GPHN: variants seen among roughly 807,000 people sequenced by gnomAD.
GPHN encodes the protein gephyrin.
A neutral mutation model predicts 95.5 loss-of-function variants in GPHN; 17 were observed. The ratio of observed to expected loss-of-function variants is 0.18; its 90% CI spans 0.12 to 0.27. GPHN has a LOEUF of 0.27. Ranked by LOEUF, GPHN falls within the 10% of genes least tolerant of loss-of-function variation. The pLI is 1.00. For synonymous variants in GPHN, 320 were observed against 322.5 expected, an observed-to-expected ratio of 0.99 and a Z score of 0.08; for missense variants, 660 against 978.1, an observed-to-expected ratio of 0.67 and a Z score of 4.34.
intron 2 of GPHN, among the ~76,000 whole-genome samples, chr14:66,721,951 CAAAAAAAAAAAA>C (rs35174343): frequency 1.0e-4 from 6 of 60,108 alleles, no homozygotes; most frequent in East Asian, 3.8e-4. Flanking sequence ...AACTCTGTCT[CAAAAAAAAAAAA>C]AAAAAAAAGG....
chr14:66,794,527 G>T (rs529220034), intron 3 of GPHN, among the ~76,000 whole-genome samples: 1 of 152,132 alleles, frequency 6.6e-6, no homozygotes, highest in Non-Finnish European at 1.5e-5. Flanking sequence ...ACAAACCAAA[G>T]AAAAATAAAA....
At chr14:66,772,793 AAAAT>A (rs1414170685) in intron 2 of GPHN, among the ~76,000 whole-genome samples, 1 of 152,242 alleles carries the variant, frequency 6.6e-6, no homozygotes, top group East Asian at 1.9e-4. Context: ...TGTGAAAATG[AAAAT>A]AAATTTTTAA....
intron 1 of GPHN, among the ~76,000 whole-genome samples, chr14:66,533,137 G>A (rs1422934290): frequency 2.0e-5 from 3 of 152,108 alleles, no homozygotes; most frequent in African/African-American, 7.2e-5. Context: ...CCCATTACAG[G>A]CCTAATTTAC....
chr14:67,413,723 C>T, the GPHN span, among the ~76,000 whole-genome samples: 1 of 152,184 alleles, frequency 6.6e-6, no homozygotes, highest in Non-Finnish European at 1.5e-5. Flanking sequence ...CCCACTCTAG[C>T]CTTCTGCACT....
chr14:67,697,698 G>A, the GPHN span, among the ~76,000 whole-genome samples: 1 of 115,176 alleles, frequency 8.7e-6, no homozygotes, highest in African/African-American at 2.5e-5. Flanking sequence ...TCCATGAGAG[G>A]GCCCTATATG....
the GPHN span, among the ~76,000 whole-genome samples, chr14:67,307,464 ATTGT>A: frequency 3.9e-5 from 6 of 152,218 alleles, no homozygotes; most frequent in Admixed American, 1.3e-4. Context: ...CAGATTATTG[ATTGT>A]TTAATACATA....
At chr14:66,679,884 G>T (rs1397544125) in intron 1 of GPHN, among the ~76,000 whole-genome samples, 2 of 151,656 alleles carry the variant, frequency 1.3e-5, no homozygotes, top group Non-Finnish European at 2.9e-5. Context: ...ATCATCTGTG[G>T]GTCTGTTTAT....
At chr14:66,886,813 A>AAC (rs1346245224) in intron 5 of GPHN, among the ~76,000 whole-genome samples, 2 of 148,914 alleles carry the variant, frequency 1.3e-5, no homozygotes, top group Admixed American at 1.3e-4. Flanking sequence ...AAAGGGGCTT[A>AAC]CCAGAGCAAA....
chr14:67,244,599 C>T, the GPHN span, among the ~76,000 whole-genome samples: 1 of 152,188 alleles, frequency 6.6e-6, no homozygotes, highest in African/African-American at 2.4e-5. Context: ...CCTATCCATT[C>T]ACCAGTTGAA....
chr14:67,056,595 TA>T (rs759812015), intron 10 of GPHN, among the ~76,000 whole-genome samples: 2 of 152,332 alleles, frequency 1.3e-5, no homozygotes, highest in Admixed American at 6.5e-5. Flanking sequence ...GATTGGTGCA[TA>T]TACAATCCTC....
chr14:66,689,005 T>C (rs955780033), intron 2 of GPHN, among the ~76,000 whole-genome samples: 1 of 152,154 alleles, frequency 6.6e-6, no homozygotes, highest in African/African-American at 2.4e-5. Flanking sequence ...ATGGCACATG[T>C]ATACCTGTGT....
intron 8 of GPHN, among the ~76,000 whole-genome samples, chr14:66,953,290 G>C (rs1245903371): frequency 1.3e-5 from 2 of 151,354 alleles, no homozygotes; most frequent in Admixed American, 1.3e-4. Context: ...TCTTTTCACT[G>C]TCTTGATAAT....
At chr14:67,143,160 C>T in intron 17 of GPHN, 1 of 531,098 alleles carries the variant, frequency 1.9e-6, no homozygotes, top group Non-Finnish European at 3.4e-6. Context: ...GCCACTACTT[C>T]AGCATGTACA....
chr14:67,359,056 TGA>T, the GPHN span, among the ~76,000 whole-genome samples: 2 of 152,130 alleles, frequency 1.3e-5, no homozygotes, highest in African/African-American at 4.8e-5. Context: ...GGTGCAGCGG[TGA>T]GAGAGCAAAA....
chr14:67,241,717 G>A, the GPHN span: 3 of 152,308 alleles, frequency 2.0e-5, no homozygotes, highest in Admixed American at 1.3e-4. Context: ...GGCCGTGGAG[G>A]GTGTGAGCCC....
At chr14:66,588,678 G>T (rs1394344533) in intron 1 of GPHN, among the ~76,000 whole-genome samples, 1 of 152,030 alleles carries the variant, frequency 6.6e-6, no homozygotes, top group East Asian at 1.9e-4. Context: ...GTGAAGACAA[G>T]ATTAGAGAAA....
At chr14:67,562,767 T>C in the GPHN span, 1 of 1,613,768 alleles carries the variant, frequency 6.2e-7, no homozygotes, top group South Asian at 1.1e-5. Context: ...AAGATGGAGA[T>C]GGAGGAGCCA....
chr14:66,771,310 CG>C (rs2059161654), intron 2 of GPHN, among the ~76,000 whole-genome samples: 1 of 152,146 alleles, frequency 6.6e-6, no homozygotes, highest in Non-Finnish European at 1.5e-5. Flanking sequence ...TGTAATCAAT[CG>C]AATACTCTAT....
intron 3 of GPHN, among the ~76,000 whole-genome samples, chr14:66,822,940 C>T (rs779723671): frequency 1.3e-4 from 20 of 151,916 alleles, no homozygotes; most frequent in African/African-American, 3.9e-4. Flanking sequence ...ATACATCAGT[C>T]GGAAAACAAA....
Sources: allele counts gnomAD v4.1 joint callset (sites outside exome capture counted in the v4.1 genomes callset), GRCh38; gene constraint gnomAD v4.1.1; transcripts MANE v1.5; gene names NCBI Gene and HGNC (gene_info 2026-07-23, HGNC 2026-07-21).